ADGRL2: variants seen among roughly 807,000 people sequenced by gnomAD.
The protein encoded by ADGRL2 is adhesion G protein-coupled receptor L2.
Under a neutral mutation model 157.4 loss-of-function variants are expected in ADGRL2, and 44 were observed. The observed-to-expected ratio is 0.28, with a 90% confidence interval of 0.22 to 0.36. ADGRL2 has a LOEUF of 0.36. Ranked by LOEUF, ADGRL2 falls within the 10% of genes least tolerant of loss-of-function variation. The pLI is 1.00. For synonymous variants in ADGRL2, 585 were observed against 624.7 expected (o/e 0.94, Z 0.95); for missense variants, 1,510 against 1,768.9 (o/e 0.85, Z 2.63).
chr1:81,427,845 G>A (rs1225061872), intron 1 of ADGRL2, among the ~76,000 whole-genome samples: 1 of 152,216 alleles, frequency 6.6e-6, no homozygotes, highest in Non-Finnish European at 1.5e-5. Context: ...TTAATGCGAT[G>A]TAGTGTCAAT....
intron 1 of ADGRL2, among the ~76,000 whole-genome samples, chr1:81,432,437 T>C (rs2077338557): frequency 1.3e-5 from 2 of 152,208 alleles, no homozygotes; most frequent in Admixed American, 6.5e-5. Context: ...AAACAGGATA[T>C]TCTTGTTTAA....
rs2089101848 is a variant in ADGRL2 at position 81,806,089 on chromosome 1, A to T, written c.-101+5021A>T. 2.0e-5 allele frequency among the ~76,000 whole-genome samples: 3 copies of T among 152,098 alleles called. No homozygotes were observed. In the South Asian group the frequency reaches 6.2e-4, roughly 31 times the overall value. On this transcript the variant is annotated intron_variant, in intron 1 of 23. Transcript: ENST00000686636. ...AGAAAACGAATTTAGAAATGGAGAT[A>T]GCTCTGGGAGCAGGTAGTTGGGGAA... is the stretch of plus-strand genomic sequence containing the variant.
At chr1:81,336,655 G>C (rs1463945384) in intron 1 of ADGRL2, among the ~76,000 whole-genome samples, 1 of 151,942 alleles carries the variant, frequency 6.6e-6, no homozygotes, top group Non-Finnish European at 1.5e-5. Flanking sequence ...ACTCAGCTGG[G>C]GTGTCTGGAT....
chr1:81,691,664 A>C lies in ADGRL2; in HGVS notation c.-142-70147A>C, dbSNP rs148555346. Among the ~76,000 whole-genome samples the C allele has an allele frequency of 9.9e-3, 1,501 of 151,488 alleles. 28 individuals carry two copies. Among genetic ancestry groups the C allele is most frequent in the African/African-American group, 0.035 (1,433 of 41,238 alleles). ...CAGGCGTGTGCCACTACACTTAGCT[A>C]ATTTTGTATTTTTTAATAGAGATGG... On this transcript the variant is annotated intron_variant, in intron 3 of 24. Coordinates refer to the ADGRL2 transcript ENST00000370721.
At chr1:81,800,580 G>A (rs1447429489), upstream of ADGRL2, 1 of 152,206 alleles carries the variant, frequency 6.6e-6, no homozygotes, top group African/African-American at 2.4e-5. Flanking sequence ...TGGGCCTAGA[G>A]GGGAGGGGGC....
chr1:81,463,135 GAAAA>G (rs1273540176), intron 2 of ADGRL2, among the ~76,000 whole-genome samples: 9 of 136,682 alleles, frequency 6.6e-5, no homozygotes, highest in South Asian at 2.3e-4. Flanking sequence ...AAAAAAAAAA[GAAAA>G]AGAAAAGAAA....
chr1:81,418,714 T>A (rs532789242), intron 1 of ADGRL2, among the ~76,000 whole-genome samples: 16 of 152,228 alleles, frequency 1.1e-4, no homozygotes, highest in African/African-American at 3.6e-4. Flanking sequence ...AAATCGGGCC[T>A]CTGCACTCCA....
chr1:81,308,006 ATG>A (rs1380890721), intron 1 of ADGRL2, among the ~76,000 whole-genome samples: 2 of 151,958 alleles, frequency 1.3e-5, no homozygotes, highest in Non-Finnish European at 2.9e-5. Flanking sequence ...ACAGATAAAT[ATG>A]TTCTGCTTCG....
chr1:81,572,006 G>A (rs2080704654), intron 2 of ADGRL2, among the ~76,000 whole-genome samples: 1 of 152,142 alleles, frequency 6.6e-6, no homozygotes, highest in South Asian at 2.1e-4. Context: ...TAGCAGGTAA[G>A]AAATAGTTAT....
chr1:81,832,139 G>A (rs552657797), intron 1 of ADGRL2, among the ~76,000 whole-genome samples: 2 of 151,992 alleles, frequency 1.3e-5, no homozygotes, highest in Admixed American at 6.6e-5. Context: ...TATTTCCTCC[G>A]AACTTTCTTT....
At chr1:81,723,002 A>T (rs1310825355) in intron 1 of ADGRL2, 1 of 792,004 alleles carries the variant, frequency 1.3e-6, no homozygotes, top group Non-Finnish European at 2.2e-6. Flanking sequence ...AAATTTGTCA[A>T]AATACCACAG....
At chr1:81,580,935 C>T (rs1324829532) in exon 3 of ADGRL2, 2 of 152,118 alleles carry the variant, frequency 1.3e-5, no homozygotes, top group Non-Finnish European at 2.9e-5. Flanking sequence ...TGTGGCTGTC[C>T]TTATGCTTTA....
At chr1:81,433,729 A>T (rs1321810014) in intron 1 of ADGRL2, among the ~76,000 whole-genome samples, 1 of 152,200 alleles carries the variant, frequency 6.6e-6, no homozygotes, top group Non-Finnish European at 1.5e-5. Context: ...CTGAAATTTA[A>T]TGGCTTGAAA....
chr1:81,540,632 T>C (rs1162498754), intron 2 of ADGRL2, among the ~76,000 whole-genome samples: 4 of 152,082 alleles, frequency 2.6e-5, no homozygotes, highest in African/African-American at 4.8e-5. Flanking sequence ...AAAGAGGGAT[T>C]GCCTGTATAA....
chr1:81,890,146 G>C (rs759196002), intron 2 of ADGRL2, among the ~76,000 whole-genome samples: 5 of 152,144 alleles, frequency 3.3e-5, no homozygotes, highest in African/African-American at 1.2e-4. Flanking sequence ...TCTTCTGTTA[G>C]AGGAGGCTTT....
At chr1:81,553,566 C>T (rs2080202026) in intron 2 of ADGRL2, among the ~76,000 whole-genome samples, 1 of 152,168 alleles carries the variant, frequency 6.6e-6, no homozygotes. Flanking sequence ...CTATTTCACC[C>T]TTCATGACAC....
intron 2 of ADGRL2, among the ~76,000 whole-genome samples, chr1:81,786,465 A>G (rs181659592): frequency 1.3e-5 from 2 of 152,264 alleles, no homozygotes; most frequent in Admixed American, 1.3e-4. Flanking sequence ...AATCCCAGCT[A>G]GTCATGAGGC....
At chr1:81,556,194 T>A (rs1368996276) in intron 2 of ADGRL2, among the ~76,000 whole-genome samples, 1 of 152,086 alleles carries the variant, frequency 6.6e-6, no homozygotes, top group African/African-American at 2.4e-5. Context: ...CTTCCTGAGG[T>A]AGTTTGAAGT....
At chr1:81,906,598 A>T (rs939812396) in intron 2 of ADGRL2, among the ~76,000 whole-genome samples, 2 of 152,114 alleles carry the variant, frequency 1.3e-5, no homozygotes. Context: ...ATTAATATGT[A>T]TACATTAAAT....
Sources: gnomAD v4.1 joint callset for allele counts (sites outside exome capture counted in the v4.1 genomes callset) on GRCh38, gnomAD v4.1.1 for gene constraint, MANE v1.5 for transcripts, NCBI Gene and HGNC (gene_info 2026-07-23, HGNC 2026-07-21) for gene names.